CAPS2: variants seen among roughly 807,000 people sequenced by gnomAD.
CAPS2 encodes calcyphosin-2.
In CAPS2, 98 loss-of-function variants were observed where a neutral mutation model predicts 86.5. That is an observed-to-expected ratio of 1.13 (90% CI 0.96 to 1.34). The LOEUF (loss-of-function observed/expected upper bound fraction) is 1.34. Ranked by LOEUF, CAPS2 falls within the 40% of genes most tolerant of loss-of-function variation. CAPS2 has a pLI of 0.00. For missense variants in CAPS2, 729 were observed against 686.8 expected, an observed-to-expected ratio of 1.06 and a Z score of -0.69; for synonymous variants, 210 against 225.1, an observed-to-expected ratio of 0.93 and a Z score of 0.60.
chr12:75,292,365 C>A (rs2036126879), intron 12 of CAPS2, among the ~76,000 whole-genome samples: 1 of 151,814 alleles, frequency 6.6e-6, no homozygotes, highest in South Asian at 2.1e-4. Flanking sequence ...TGCGCCTGGC[C>A]AACATTCATT....
chr12:75,285,364 A>G (rs997645572), intron 14 of CAPS2, among the ~76,000 whole-genome samples: 5 of 152,018 alleles, frequency 3.3e-5, no homozygotes, highest in Non-Finnish European at 4.4e-5. Context: ...AATTGTATAT[A>G]GTTATAGGGC....
chr12:75,349,889 A>C (rs182157077), intron 1 of CAPS2, among the ~76,000 whole-genome samples: 1 of 152,364 alleles, frequency 6.6e-6, no homozygotes, highest in East Asian at 1.9e-4. Context: ...AAAGATAAAA[A>C]GTGTATCAGC....
At chr12:75,344,993 T>G (rs1007110147) in intron 1 of CAPS2, among the ~76,000 whole-genome samples, 1 of 152,130 alleles carries the variant, frequency 6.6e-6, no homozygotes, top group African/African-American at 2.4e-5. Flanking sequence ...TCTCCTCTAG[T>G]TCTTGTAAAT....
At chr12:75,324,559 C>T (rs1159584172) in intron 2 of CAPS2, among the ~76,000 whole-genome samples, 1 of 152,086 alleles carries the variant, frequency 6.6e-6, no homozygotes, top group Non-Finnish European at 1.5e-5. Context: ...GCACCTAACT[C>T]TATTCTTTAT....
chr12:75,321,427 C>G, exon 5 of CAPS2: 1 of 1,546,386 alleles, frequency 6.5e-7, no homozygotes, highest in East Asian at 2.5e-5. Context: ...TTCTTGGAGA[C>G]TGTTTATGTG....
chr12:75,369,965 C>T, intron 1 of CAPS2: 1 of 1,095,022 alleles, frequency 9.1e-7, no homozygotes, highest in Non-Finnish European at 1.3e-6. Context: ...TTTAGGGACT[C>T]CACAACTTAT....
intron 1 of CAPS2, among the ~76,000 whole-genome samples, chr12:75,384,547 A>G (rs751829256): frequency 2.6e-5 from 4 of 152,200 alleles, no homozygotes; most frequent in African/African-American, 4.8e-5. Flanking sequence ...GGCCCAGATA[A>G]ATTCACTGGT....
intron 7 of CAPS2, 85 bp downstream of exon 7, chr12:75,312,763 G>T: frequency 1.2e-6 from 1 of 818,168 alleles, no homozygotes; most frequent in South Asian, 1.5e-5. Flanking sequence ...CCCTTTAATT[G>T]ACCAAGGATA....
chr12:75,302,765 A>G (rs2037971486), intron 8 of CAPS2, among the ~76,000 whole-genome samples: 1 of 152,234 alleles, frequency 6.6e-6, no homozygotes, highest in African/African-American at 2.4e-5. Flanking sequence ...AATGGCCTAT[A>G]TACATATGGA....
At chr12:75,286,706 T>C (rs1298546425) in intron 14 of CAPS2, among the ~76,000 whole-genome samples, 1 of 151,968 alleles carries the variant, frequency 6.6e-6, no homozygotes, top group Non-Finnish European at 1.5e-5. Context: ...ACAAACATTC[T>C]TGTTTCAAAA....
chr12:75,312,700 A>C (rs1248486086), intron 7 of CAPS2, 148 bp downstream of exon 7: 45 of 514,338 alleles, frequency 8.7e-5, no homozygotes, highest in Middle Eastern at 4.9e-4. Flanking sequence ...AAAATGACTA[A>C]AACACTAACG....
At chr12:75,308,902 CAAAA>C (rs10634496) in intron 7 of CAPS2, among the ~76,000 whole-genome samples, 7 of 98,196 alleles carry the variant, frequency 7.1e-5, no homozygotes, top group Non-Finnish European at 1.1e-4. Flanking sequence ...GACTCGGTCT[CAAAA>C]AAAAAAAAAA....
At chr12:75,321,286 A>C in intron 5 of CAPS2, 114 bp downstream of exon 5, 2 of 639,424 alleles carry the variant, frequency 3.1e-6, no homozygotes, top group Non-Finnish European at 5.2e-6. Flanking sequence ...AATAAATGTT[A>C]GCTATTATAC....
chr12:75,307,224 G>T (rs2038613461), intron 7 of CAPS2, among the ~76,000 whole-genome samples: 2 of 152,226 alleles, frequency 1.3e-5, no homozygotes, highest in South Asian at 4.1e-4. Context: ...CAGAAAGGCT[G>T]TGAAGATTAA....
chr12:75,369,103 A>G (rs753676535), intron 1 of CAPS2, among the ~76,000 whole-genome samples: 2 of 151,956 alleles, frequency 1.3e-5, no homozygotes, highest in African/African-American at 4.8e-5. Flanking sequence ...TAACAGTTAT[A>G]TATGTAGACC....
intron 2 of CAPS2, 127 bp downstream of exon 3, chr12:75,325,112 T>A (rs750912678): frequency 5.6e-6 from 4 of 719,816 alleles, no homozygotes; most frequent in Non-Finnish European, 8.4e-6. Context: ...GCTATCCATA[T>A]GCATATAGAT....
At chr12:75,347,564 G>T in intron 1 of CAPS2, 2 of 1,023,552 alleles carry the variant, frequency 2.0e-6, no homozygotes, top group South Asian at 2.6e-5. Flanking sequence ...TTCTCTAAAT[G>T]CATTGTTTGC....
chr12:75,311,076 G>A (rs1335812491), intron 7 of CAPS2, among the ~76,000 whole-genome samples: 4 of 152,134 alleles, frequency 2.6e-5, no homozygotes, highest in Non-Finnish European at 5.9e-5. Flanking sequence ...TAATTAATAC[G>A]TGAGCCTCGT....
Position 75,319,269 on chromosome 12 carries a change from A to T in CAPS2, c.468+2131T>A, listed in dbSNP as rs573969005. ...GCCTCATGTTGAAATTTAATCCCCA[A>T]TGTTGGAGTGGTGTTTGGGTCATGG... On this transcript the variant is annotated intron_variant, in intron 5 of 16. Coordinates refer to ENST00000393284, the Ensembl canonical transcript of CAPS2. Among the ~76,000 whole-genome samples, 99 of 152,166 alleles carry T rather than the reference A, an allele frequency of 6.5e-4. 1 individual carries two copies. Among genetic ancestry groups the T allele is most frequent in the South Asian group, 2.3e-3 (11 of 4,818 alleles).
Sources: allele counts gnomAD v4.1 joint callset (sites outside exome capture counted in the v4.1 genomes callset), GRCh38; gene constraint gnomAD v4.1.1; transcripts MANE v1.5; gene names NCBI Gene and HGNC (gene_info 2026-07-23, HGNC 2026-07-21).